ABCA4: variants seen among roughly 807,000 people sequenced by gnomAD.
ABCA4 encodes the protein retinal-specific phospholipid-transporting ATPase ABCA4.
A neutral mutation model predicts 263.7 loss-of-function variants in ABCA4; 196 were observed. The ratio of observed to expected loss-of-function variants is 0.74; its 90% CI spans 0.66 to 0.84. The LOEUF (loss-of-function observed/expected upper bound fraction) is 0.84. Ranked by LOEUF, ABCA4 falls within the 40% of genes least tolerant of loss-of-function variation. The pLI is 0.00. For missense variants in ABCA4, 2,792 were observed against 2,855.1 expected (o/e 0.98, Z 0.50); for synonymous variants, 1,133 against 1,094.2 (o/e 1.04, Z -0.70).
At chr1:94,110,650 C>T (rs1662576869) in intron 3 of ABCA4, among the ~76,000 whole-genome samples, 1 of 152,196 alleles carries the variant, frequency 6.6e-6, no homozygotes, top group South Asian at 2.1e-4. Context: ...TGATGTTCTC[C>T]CAATGCTCTG....
chr1:94,044,558 T>C, intron 20 of ABCA4, 55 bp downstream of exon 20: 1 of 1,613,876 alleles, frequency 6.2e-7, no homozygotes, highest in African/African-American at 1.3e-5. Context: ...AGAAGTGTGC[T>C]GGGGGCAGAG....
intron 36 of ABCA4, among the ~76,000 whole-genome samples, chr1:94,016,525 A>G (rs112385574): frequency 0.065 from 9,860 of 152,092 alleles, 359 homozygotes; most frequent in Middle Eastern, 0.21. Context: ...TGGGGAGGGG[A>G]TGGTGGCAGA....
Position 94,079,405 on chromosome 1 carries a change from C to T in ABCA4, c.1156G>A (p.Ala386Thr), listed in dbSNP as rs770754513. The T allele has an allele frequency of 3.4e-5, 55 of 1,613,986 alleles. No homozygotes were observed. The highest frequency in any genetic ancestry group is 2.6e-4 in the South Asian group (24 of 91,078). Residue 386 changes from alanine to threonine, a missense_variant, in exon 9 of 50, where the codon GCT (alanine) becomes ACT (threonine). By Grantham distance (58) the Ala-to-Thr change is moderately conservative. Transcript: ENST00000370225. ...AGCAAAGGCTTTGCCGCCCTCCAAG[C>T]GATTTTGGTTAAAGGATTTGACTCC... ...SLESNPLTKIAWRAAKPLLMG... is the reference protein window; with the variant it reads ...SLESNPLTKITWRAAKPLLMG...
chr1:94,067,871 C>T lies in ABCA4; in HGVS notation c.1555-4554G>A, dbSNP rs767133946. 5.9e-4 allele frequency among the ~76,000 whole-genome samples: 90 copies of T among 152,312 alleles called. 1 individual carries two copies. The highest frequency in any genetic ancestry group is 3.4e-3 in the Middle Eastern group (1 of 294). ...GGAGACACGACTAAGCAAAGTAAAC[C>T]TCCTCTGGAAAGAGCCTGTGTTTTT... On this transcript the variant is annotated intron_variant, in intron 11 of 49. Transcript: ENST00000370225.
Position 94,021,666 on chromosome 1 carries a change from G to A in ABCA4, c.4822C>T (p.His1608Tyr). The A allele has an allele frequency of 1.9e-6, 3 of 1,612,918 alleles. No homozygotes were observed. Among genetic ancestry groups the A allele is most frequent in the Non-Finnish European group, 1.7e-6 (2 of 1,179,312 alleles). Residue 1608 changes from histidine to tyrosine, a missense_variant, in exon 34 of 50, where the codon CAT becomes TAT. By Grantham distance (83) the His-to-Tyr change is moderately conservative. Transcript: ENST00000370225. Reference protein sequence around the residue: ...ASKEIPDFLKHLETEDNIKVW... With the variant: ...ASKEIPDFLKYLETEDNIKVW... Reference sequence around the variant, plus strand: ...TTAATGTTGTCTTCAGTTTCTAGATGTTTAAGGAAATCAGGTATTTCTTTA... The same window carrying A: ...TTAATGTTGTCTTCAGTTTCTAGATATTTAAGGAAATCAGGTATTTCTTTA...
chr1:94,120,920 A>T (rs1373000418), intron 1 of ABCA4, 60 bp downstream of exon 1: 2 of 440,372 alleles, frequency 4.5e-6, no homozygotes, highest in Middle Eastern at 4.5e-4. Context: ...CCCACCCCAC[A>T]CTTCCAACCT....
chr1:94,042,098 C>CAAAA (rs11334956), intron 22 of ABCA4, among the ~76,000 whole-genome samples: 286 of 80,550 alleles, frequency 3.6e-3, no homozygotes, highest in Non-Finnish European at 4.2e-3. Context: ...GATTCTGTCT[C>CAAAA]AAAAAAAAAA....
At chr1:94,082,410 A>T (rs1387746470) in intron 7 of ABCA4, among the ~76,000 whole-genome samples, 5 of 152,216 alleles carry the variant, frequency 3.3e-5, no homozygotes, top group Admixed American at 3.3e-4. Context: ...TTGTTTGTAC[A>T]TTCTCTATCA....
intron 4 of ABCA4, among the ~76,000 whole-genome samples, chr1:94,103,433 A>G (rs1432629553): frequency 6.6e-6 from 1 of 152,166 alleles, no homozygotes; most frequent in Non-Finnish European, 1.5e-5. Context: ...CTTCTCATTG[A>G]GGTGGGGCTG....
rs537012031 is a variant in ABCA4 at position 94,058,056 on chromosome 1, T to C, written c.2161-1234A>G. Among the ~76,000 whole-genome samples the C allele has an allele frequency of 1.1e-4, 17 of 152,290 alleles. No homozygotes were observed. The South Asian group carries it at 3.3e-3, about 30-fold the overall frequency. On this transcript the variant is annotated intron_variant, in intron 14 of 49. Transcript: ENST00000370225. ...AGAGCTGAGTGGAACGAATGTGCCA[T>C]TTGTCTGCTGTGGCTGCCATTTCTC...
intron 35 of ABCA4, 136 bp downstream of exon 35, chr1:94,021,104 C>T (rs1243907215): frequency 2.6e-5 from 32 of 1,209,264 alleles, no homozygotes; most frequent in Non-Finnish European, 3.4e-5. Context: ...ATTTGAAAGT[C>T]GGATGTTCAT....
chr1:94,027,737 C>CT (rs1484869574), intron 30 of ABCA4, among the ~76,000 whole-genome samples: 3 of 152,216 alleles, frequency 2.0e-5, no homozygotes, highest in South Asian at 4.1e-4. Context: ...TAGCCATAGC[C>CT]TTTTTTGTTG....
rs988133386 is a variant in ABCA4 at position 94,037,184 on chromosome 1, A to G, written c.3774T>C (p.Gly1258=). Residue 1258 remains glycine (G), a synonymous_variant, in exon 25 of 50, where the codon GGT becomes GGC. Transcript: ENST00000370225. The stretch of plus-strand genomic sequence containing the variant: ...TGTCAGAAATTCCAAAACTGCTGAG[A>G]CCAAGGTCAGCCAGCGTCTCCTCCA... ...RELEETLADL[G]LSSFGISDTP... 3 of 1,614,232 alleles carry G rather than the reference A, an allele frequency of 1.9e-6. No individual in the cohort carries two copies. In the Admixed American group the frequency reaches 5.0e-5, roughly 27 times the overall value.
chr1:93,996,160 A>G lies in ABCA4; in HGVS notation c.6765T>C (p.Ser2255=). The G allele has an allele frequency of 6.2e-7, 1 of 1,614,038 alleles. No individual in the cohort carries two copies. Among genetic ancestry groups the G allele is most frequent in the Non-Finnish European group, 8.5e-7 (1 of 1,180,026 alleles). ...FVNFAKQQTE[S]HDLPLHPRAA... ...CTCGAGGGTGCAGAGGGAGGTCATG[A>G]CTTTCAGTCTGCTGTTTAGCAAAAT... Residue 2255 remains serine (S), a synonymous_variant, in exon 49 of 50, where the codon AGT becomes AGC. Transcript: ENST00000370225.
chr1:94,036,596 C>G lies in ABCA4; in HGVS notation c.3862+144G>C. Reference sequence around the variant, plus strand: ...TTCACCATGTTGGCCAGGCTGGTCTCGAACTCAGGTGGTCCATCTGCCTTG... The same window carrying G: ...TTCACCATGTTGGCCAGGCTGGTCTGGAACTCAGGTGGTCCATCTGCCTTG... On this transcript the variant is annotated intron_variant, in intron 26 of 49. Transcript: ENST00000370225. The G allele has an allele frequency of 3.5e-6, 3 of 855,770 alleles. No homozygotes were observed. The South Asian group carries it at 4.2e-5, about 12-fold the overall frequency. 53.0% of individuals were successfully genotyped at this position (855,770 alleles called of 1,614,324 possible). A position where few individuals can be genotyped will look rare whatever the true frequency, so the allele number is the denominator to read the frequency against.
At chr1:94,118,803 C>G (rs74104531) in intron 1 of ABCA4, among the ~76,000 whole-genome samples, 2,434 of 152,300 alleles carry the variant, frequency 0.016, 18 homozygotes, top group Middle Eastern at 0.034. Flanking sequence ...CCACCCATGC[C>G]AGCGAAAGGC....
intron 41 of ABCA4, 30 bp downstream of exon 41, chr1:94,008,721 G>T (rs375131430): frequency 1.9e-6 from 3 of 1,613,668 alleles, no homozygotes; most frequent in African/African-American, 2.7e-5. Flanking sequence ...GATCTAACCA[G>T]CACCTCCAAA....
chr1:94,040,305 C>T lies in ABCA4; in HGVS notation c.3523-178G>A, dbSNP rs550663293. 4.6e-5 allele frequency among the ~76,000 whole-genome samples: 7 copies of T among 152,240 alleles called. No individual in the cohort carries two copies. In the South Asian group the frequency reaches 6.2e-4, roughly 14 times the overall value. On this transcript the variant is annotated intron_variant, in intron 23 of 49. Transcript: ENST00000370225. ...CATCTGAGCATTTTGAGGGTGTAGT[C>T]GCTTGATTTTATCCTAGAGAGTGTG...
At chr1:94,023,342 T>C (rs753920644) in intron 32 of ABCA4, 44 bp downstream of exon 32, 4 of 1,504,698 alleles carry the variant, frequency 2.7e-6, no homozygotes, top group South Asian at 1.1e-5. Flanking sequence ...ATTTCAACAA[T>C]GAATCAATCT....
Sources: gnomAD v4.1 joint callset for allele counts (sites outside exome capture counted in the v4.1 genomes callset) on GRCh38, gnomAD v4.1.1 for gene constraint, MANE v1.5 for transcripts, NCBI Gene and HGNC (gene_info 2026-07-23, HGNC 2026-07-21) for gene names.